Variants in DYRK1A observed in about 807,000 individuals in gnomAD.
DYRK1A encodes dual specificity tyrosine phosphorylation regulated kinase 1A.
Under a neutral mutation model 79.7 loss-of-function variants are expected in DYRK1A, and 9 were observed. The observed-to-expected ratio is 0.11, with a 90% CI of 0.07 to 0.20. The LOEUF (loss-of-function observed/expected upper bound fraction) is 0.20, where lower values mean the gene tolerates loss of function less well. Among genes scored for constraint, DYRK1A ranks in the 10% least tolerant of loss-of-function variants. DYRK1A has a pLI of 1.00. For missense variants in DYRK1A, 622 were observed against 956.0 expected, an observed-to-expected ratio of 0.65 and a Z score of 4.61; for synonymous variants, 349 against 329.7, an observed-to-expected ratio of 1.06 and a Z score of -0.63.
At position 37,505,418 on chromosome 21, in the gene DYRK1A, A is replaced by T; in HGVS notation, c.1348A>T (p.Met450Leu). The T allele has an allele frequency of 6.2e-7, 1 of 1,614,178 alleles. No individual in the cohort carries two copies. Among genetic ancestry groups the T allele is most frequent in the South Asian group, 1.1e-5 (1 of 91,082 alleles). ...YLKFKDLILR[M>L]LDYDPKTRIQ... is the part of the protein sequence containing the mutation. ...GAAGTTCAAAGACCTCATTTTAAGG[A>T]TGCTTGATTATGACCCCAAAACTCG... is the stretch of plus-strand genomic sequence containing the variant. The change falls in exon 10 of 12, where the codon ATG (methionine) becomes TTG (leucine). Residue 450 changes from methionine (M) to leucine (L), a missense_variant. By Grantham distance (15) the Met-to-Leu change is conservative. Transcript: ENST00000647188.
At chr21:37,461,709 C>T (rs971963018) in intron 2 of DYRK1A, among the ~76,000 whole-genome samples, 1 of 152,044 alleles carries the variant, frequency 6.6e-6, no homozygotes, top group African/African-American at 2.4e-5. Flanking sequence ...TTTCTTCTGG[C>T]GGTGCACATG....
intron 4 of DYRK1A, among the ~76,000 whole-genome samples, chr21:37,480,315 C>T (rs1210799871): frequency 2.0e-5 from 3 of 152,046 alleles, no homozygotes; most frequent in Non-Finnish European, 4.4e-5. Context: ...GTCAAAATTC[C>T]TCATGTTGAA....
chr21:37,408,121 C>A (rs2050181314), intron 1 of DYRK1A, among the ~76,000 whole-genome samples: 1 of 152,168 alleles, frequency 6.6e-6, no homozygotes, highest in South Asian at 2.1e-4. Flanking sequence ...TTTCCCTTTC[C>A]CAGAAGAGAA....
chr21:37,431,816 TTAC>T (rs2050784127), intron 2 of DYRK1A, among the ~76,000 whole-genome samples: 1 of 152,236 alleles, frequency 6.6e-6, no homozygotes, highest in Non-Finnish European at 1.5e-5. Flanking sequence ...AAGATGACAC[TTAC>T]TGTACTATTT....
rs367596694 is a variant in DYRK1A at position 37,512,056 on chromosome 21, C to A, written c.1790C>A (p.Ser597Tyr). The A allele has an allele frequency of 2.5e-6, 4 of 1,613,922 alleles. No homozygotes were observed. Among genetic ancestry groups the A allele is most frequent in the Non-Finnish European group, 1.7e-6 (2 of 1,179,956 alleles). Reference protein sequence around the residue: ...NALHHHHGNSSHHHHHHHHHH... With the variant: ...NALHHHHGNSYHHHHHHHHHH... The stretch of plus-strand genomic sequence containing the variant: ...TTGCATCATCACCATGGTAACAGTT[C>A]CCATCACCATCACCACCACCACCAC... Residue 597 changes from serine to tyrosine, a missense_variant, in exon 12 of 12, where the codon TCC becomes TAC. Around this residue, in one of 5 missense-constraint regions of DYRK1A, gnomAD observed 292 missense variants for 316.7 expected, o/e 0.92. Coordinates refer to ENST00000647188, the MANE Select transcript of DYRK1A (RefSeq NM_001347721.2).
intron 1 of DYRK1A, among the ~76,000 whole-genome samples, chr21:37,398,253 GCTTGAGTCCAGT>G (rs917000287): frequency 1.3e-5 from 2 of 151,358 alleles, no homozygotes; most frequent in African/African-American, 4.9e-5. Context: ...TGGGAGGATT[GCTTGAGTCCAGT>G]CTTGAGTCCA....
At chr21:37,475,601 A>T (rs958057290) in intron 3 of DYRK1A, among the ~76,000 whole-genome samples, 2 of 152,228 alleles carry the variant, frequency 1.3e-5, no homozygotes, top group Non-Finnish European at 2.9e-5. Context: ...TATTTTGAGC[A>T]TCTCAATGCA....
chr21:37,371,036 T>C (rs1336240562), intron 1 of DYRK1A, among the ~76,000 whole-genome samples: 3 of 152,246 alleles, frequency 2.0e-5, no homozygotes, highest in East Asian at 3.8e-4. Context: ...TGCTCAACTT[T>C]GGATTAAAAA....
chr21:37,454,200 C>T (rs1339819322), intron 2 of DYRK1A, among the ~76,000 whole-genome samples: 1 of 145,282 alleles, frequency 6.9e-6, no homozygotes, highest in Non-Finnish European at 1.5e-5. Context: ...TCAAACGATT[C>T]TCCTACCTCA....
chr21:37,381,412 G>A (rs2049656391), intron 1 of DYRK1A, among the ~76,000 whole-genome samples: 1 of 152,230 alleles, frequency 6.6e-6, no homozygotes. Context: ...GAAATGTGGA[G>A]TGGAAAGATT....
chr21:37,482,270 A>G (rs6517418), intron 5 of DYRK1A, among the ~76,000 whole-genome samples: 65,959 of 151,940 alleles, frequency 0.43, 15,559 homozygotes, highest in African/African-American at 0.62. Context: ...ATTCACCCCC[A>G]ATATTTCATG....
At chr21:37,376,661 G>A (rs1004850417) in intron 1 of DYRK1A, among the ~76,000 whole-genome samples, 1 of 152,056 alleles carries the variant, frequency 6.6e-6, no homozygotes, top group African/African-American at 2.4e-5. Flanking sequence ...TTCTGCCTAG[G>A]ACCCTGCGCT....
At chr21:37,388,209 A>G (rs1156531811) in intron 1 of DYRK1A, among the ~76,000 whole-genome samples, 2 of 146,904 alleles carry the variant, frequency 1.4e-5, no homozygotes, top group Admixed American at 6.8e-5. Flanking sequence ...CAGCCTCCCA[A>G]ATAGCTGGGA....
At chr21:37,496,391 AT>A (rs2053270794) in intron 9 of DYRK1A, 133 bp downstream of exon 9, 2 of 906,570 alleles carry the variant, frequency 2.2e-6, no homozygotes, top group Admixed American at 5.8e-5. Context: ...TTACATAGAT[AT>A]TTTGTTCAGA....
At chr21:37,424,808 A>C (rs911395587) in intron 2 of DYRK1A, among the ~76,000 whole-genome samples, 5 of 152,128 alleles carry the variant, frequency 3.3e-5, no homozygotes, top group Non-Finnish European at 7.4e-5. Flanking sequence ...AGGAGTCATA[A>C]TGTTTGAAAA....
intron 1 of DYRK1A, among the ~76,000 whole-genome samples, chr21:37,384,977 T>C (rs1021491081): frequency 4.6e-5 from 7 of 151,966 alleles, no homozygotes; most frequent in Admixed American, 3.3e-4. Flanking sequence ...CAGACAAGGT[T>C]GTTAAAGTGG....
At chr21:37,378,529 A>T (rs919649360) in intron 1 of DYRK1A, among the ~76,000 whole-genome samples, 2 of 152,204 alleles carry the variant, frequency 1.3e-5, no homozygotes, top group African/African-American at 4.8e-5. Flanking sequence ...GCGAAACTCC[A>T]TCTCGAAAAA....
intron 2 of DYRK1A, among the ~76,000 whole-genome samples, chr21:37,432,755 T>TA (rs1000842580): frequency 4.0e-5 from 6 of 151,602 alleles, no homozygotes; most frequent in Non-Finnish European, 5.9e-5. Flanking sequence ...TAACTGCAGA[T>TA]AAAAAAAAGT....
chr21:37,435,407 GAGCGTTTAATGATCTGC>G lies in DYRK1A; in HGVS notation c.10+15027_10+15043del, dbSNP rs571014685. On this transcript the variant is annotated intron_variant, in intron 2 of 11. Coordinates refer to ENST00000647188, the MANE Select transcript of DYRK1A (RefSeq NM_001347721.2). ...TGCCTGGTGAGAGACATTGATAAAT[GAGCGTTTAATGATCTGC>G]AGCAGTTCCCACTCACTGCGGGCAG... is the stretch of plus-strand genomic sequence containing the variant. 2.1e-4 allele frequency among the ~76,000 whole-genome samples: 32 copies of G among 152,324 alleles called. No individual in the cohort carries two copies. In the East Asian group the frequency reaches 4.4e-3, roughly 21 times the overall value.
Sources: allele counts gnomAD v4.1 joint callset (sites outside exome capture counted in the v4.1 genomes callset), GRCh38; gene constraint gnomAD v4.1.1; regional missense constraint gnomAD v4.1.1; transcripts MANE v1.5; gene names NCBI Gene and HGNC (gene_info 2026-07-23, HGNC 2026-07-21).